MACROD2: variants seen among roughly 807,000 people sequenced by gnomAD.
The protein encoded by MACROD2 is mono-ADP ribosylhydrolase 2.
MACROD2 carries 36 observed loss-of-function variants against 70.4 expected under a neutral mutation model. The ratio of observed to expected loss-of-function variants is 0.51; its 90% CI spans 0.39 to 0.68. The LOEUF is 0.68. MACROD2 is among the 30% of genes least tolerant of loss of function. The pLI is 0.00. For synonymous variants in MACROD2, 172 were observed against 178.8 expected (o/e 0.96, Z 0.30); for missense variants, 496 against 538.4 (o/e 0.92, Z 0.78).
intron 7 of MACROD2, among the ~76,000 whole-genome samples, chr20:15,475,014 G>GA (rs35460927): frequency 0.33 from 48,772 of 147,748 alleles, 10,258 homozygotes; most frequent in African/African-American, 0.61. Context: ...AAAATATTCA[G>GA]AAAAAAAAAA....
chr20:16,024,600 G>A (rs1046234315), intron 15 of MACROD2, among the ~76,000 whole-genome samples: 53 of 152,184 alleles, frequency 3.5e-4, no homozygotes, highest in Non-Finnish European at 6.8e-4. Context: ...GTAAAGGAGA[G>A]CCTGCCTTCT....
intron 6 of MACROD2, among the ~76,000 whole-genome samples, chr20:15,261,946 G>T (rs2077253043): frequency 6.6e-6 from 1 of 151,712 alleles, no homozygotes; most frequent in Non-Finnish European, 1.5e-5. Context: ...TATATTTTTA[G>T]AAAGTACATG....
Position 15,862,741 on chromosome 20 carries a change from C to T in MACROD2, c.646-4C>T, listed in dbSNP as rs1000859284. 4 of 1,609,286 alleles carry T rather than the reference C, an allele frequency of 2.5e-6. No individual in the cohort carries two copies. The highest frequency in any genetic ancestry group is 2.5e-6 in the Non-Finnish European group (3 of 1,177,988). On this transcript the variant is annotated splice_region_variant and splice_polypyrimidine_tract_variant and intron_variant, in intron 8 of 17. Coordinates refer to ENST00000684519, the MANE Select transcript of MACROD2 (RefSeq NM_001351661.2). ...ACTTTGAGTGTTTTATCTTTTGCCT[C>T]TAGGTGGATCGGATCATTTTCTGTG...
At chr20:15,293,421 C>T (rs146154328) in intron 6 of MACROD2, among the ~76,000 whole-genome samples, 1 of 152,260 alleles carries the variant, frequency 6.6e-6, no homozygotes, top group African/African-American at 2.4e-5. Context: ...TTACAGGAAC[C>T]TTATGTTCCA....
intron 2 of MACROD2, among the ~76,000 whole-genome samples, chr20:14,044,550 C>T (rs991521224): frequency 9.9e-5 from 15 of 152,066 alleles, no homozygotes; most frequent in African/African-American, 7.2e-5. Flanking sequence ...CTGATTGGTC[C>T]GTTTTGACAG....
intron 4 of MACROD2, among the ~76,000 whole-genome samples, chr20:14,581,321 A>T (rs1297939139): frequency 6.6e-6 from 1 of 152,216 alleles, no homozygotes; most frequent in Admixed American, 6.5e-5. Context: ...ATCAAATCAG[A>T]ATCTCTGATT....
At chr20:14,186,755 C>G (rs2081348011) in intron 3 of MACROD2, among the ~76,000 whole-genome samples, 1 of 152,198 alleles carries the variant, frequency 6.6e-6, no homozygotes, top group Non-Finnish European at 1.5e-5. Context: ...CCTTGGAATG[C>G]TACGCAGCTA....
At chr20:15,678,508 C>T (rs758051577) in intron 8 of MACROD2, among the ~76,000 whole-genome samples, 59 of 152,106 alleles carry the variant, frequency 3.9e-4, no homozygotes, top group Non-Finnish European at 5.6e-4. Context: ...TACAGGCGCC[C>T]GCCACCATGC....
In MACROD2 at chr20:14,951,043, T is replaced by C. The variant is rs549499037; in HGVS notation, c.418+266084T>C. 2.6e-5 allele frequency among the ~76,000 whole-genome samples: 4 copies of C among 152,262 alleles called. No individual in the cohort carries two copies. The South Asian group carries it at 8.3e-4, about 32-fold the overall frequency. ...TAGAGAACCAAGGCAGCCCACTCAC[T>C]ACCAACAAACATCAGATTTCTCTCT... On this transcript the variant is annotated intron_variant, in intron 5 of 17. Coordinates refer to ENST00000684519, the MANE Select transcript of MACROD2 (RefSeq NM_001351661.2).
At chr20:15,846,478 G>A (rs1162136455) in intron 8 of MACROD2, among the ~76,000 whole-genome samples, 2 of 152,006 alleles carry the variant, frequency 1.3e-5, no homozygotes, top group Non-Finnish European at 2.9e-5. Flanking sequence ...AGACAGCAGC[G>A]ATTTTCTCTC....
At chr20:14,666,370 A>C (rs1260603122) in intron 4 of MACROD2, among the ~76,000 whole-genome samples, 2 of 152,150 alleles carry the variant, frequency 1.3e-5, no homozygotes, top group Non-Finnish European at 2.9e-5. Flanking sequence ...TTAATTTCTG[A>C]AAACATTCTT....
intron 7 of MACROD2, among the ~76,000 whole-genome samples, chr20:15,474,128 T>C (rs2046992984): frequency 2.0e-5 from 3 of 152,228 alleles, no homozygotes; most frequent in Admixed American, 2.0e-4. Flanking sequence ...AATAAGGCAA[T>C]TGAAAACTCT....
At chr20:15,593,228 G>A (rs2048702404) in intron 8 of MACROD2, among the ~76,000 whole-genome samples, 1 of 152,148 alleles carries the variant, frequency 6.6e-6, no homozygotes, top group South Asian at 2.1e-4. Flanking sequence ...CTCATGCTGT[G>A]ACCCACAGGA....
intron 8 of MACROD2, among the ~76,000 whole-genome samples, chr20:15,795,909 T>A (rs989011101): frequency 3.9e-5 from 6 of 152,158 alleles, no homozygotes; most frequent in Non-Finnish European, 8.8e-5. Context: ...TACCTCTCAC[T>A]CATAATGCCA....
intron 8 of MACROD2, among the ~76,000 whole-genome samples, chr20:15,501,445 G>T (rs928152920): frequency 1.4e-4 from 22 of 152,116 alleles, no homozygotes; most frequent in Non-Finnish European, 2.5e-4. Context: ...TTGGTCACAG[G>T]TACATCTCAT....
intron 13 of MACROD2, among the ~76,000 whole-genome samples, chr20:15,981,982 T>C (rs903628847): frequency 6.6e-6 from 1 of 152,146 alleles, no homozygotes; most frequent in African/African-American, 2.4e-5. Context: ...TACTTTTTTT[T>C]TTTGCTGTGT....
At chr20:15,399,336 C>A (rs1049505607) in intron 6 of MACROD2, among the ~76,000 whole-genome samples, 1 of 152,156 alleles carries the variant, frequency 6.6e-6, no homozygotes, top group African/African-American at 2.4e-5. Flanking sequence ...AAGGTAGCTG[C>A]TCTGCAAAAG....
intron 2 of MACROD2, among the ~76,000 whole-genome samples, chr20:14,032,590 C>T (rs1162602889): frequency 6.6e-6 from 1 of 152,088 alleles, no homozygotes; most frequent in Non-Finnish European, 1.5e-5. Flanking sequence ...ATTACCTGTT[C>T]ATAACCTTTG....
At chr20:15,551,544 G>A (rs562828320) in intron 8 of MACROD2, among the ~76,000 whole-genome samples, 5 of 152,078 alleles carry the variant, frequency 3.3e-5, no homozygotes, top group African/African-American at 9.6e-5. Flanking sequence ...TTACAGATGC[G>A]TGCCTTACAT....
Sources: gnomAD v4.1 joint callset for allele counts (sites outside exome capture counted in the v4.1 genomes callset) on GRCh38, gnomAD v4.1.1 for gene constraint, MANE v1.5 for transcripts, NCBI Gene and HGNC (gene_info 2026-07-23, HGNC 2026-07-21) for gene names.